The following LPCAT2 variants were observed in gnomAD, a reference collection of about 807,000 sequenced individuals.
LPCAT2 encodes the protein lysophosphatidylcholine acyltransferase 2, also known as 1-AGP acyltransferase 11.
LPCAT2 carries 58 observed loss-of-function variants against 64.7 expected under a neutral mutation model. That is an observed-to-expected ratio of 0.90 (90% CI 0.73 to 1.12). LPCAT2 has a LOEUF of 1.12. LPCAT2 is among the 50% of genes most tolerant of loss of function. The pLI is 0.00. For synonymous variants in LPCAT2, 252 were observed against 245.3 expected, an observed-to-expected ratio of 1.03 and a Z score of -0.26; for missense variants, 579 against 669.8, an observed-to-expected ratio of 0.86 and a Z score of 1.50.
intron 3 of LPCAT2, 84 bp from the exon 4 acceptor site, chr16:55,529,751 A>T: frequency 2.0e-6 from 1 of 504,422 alleles, no homozygotes; most frequent in Non-Finnish European, 3.4e-6. Flanking sequence ...AATTTTCCAT[A>T]CAATATGTTA....
intron 11 of LPCAT2, chr16:55,567,678 TCACGAAAAATG>T: frequency 1.6e-6 from 1 of 643,672 alleles, no homozygotes; most frequent in South Asian, 2.2e-5. Flanking sequence ...AACAGATATT[TCACGAAAAATG>T]TTCTGAGTGG....
At chr16:55,561,302 G>A (rs1451926652) in intron 11 of LPCAT2, among the ~76,000 whole-genome samples, 3 of 149,162 alleles carry the variant, frequency 2.0e-5, no homozygotes, top group Admixed American at 6.7e-5. Context: ...TACTTTTTAA[G>A]TCTAATAACT....
intron 9 of LPCAT2, among the ~76,000 whole-genome samples, chr16:55,546,981 T>C (rs1381236764): frequency 6.6e-6 from 1 of 152,108 alleles, no homozygotes; most frequent in Non-Finnish European, 1.5e-5. Context: ...ACCCCGTCTC[T>C]ATTAAAAATA....
At chr16:55,528,301 T>G (rs1283810641) in intron 2 of LPCAT2, 76 bp from the exon 3 acceptor site, 2 of 1,127,752 alleles carry the variant, frequency 1.8e-6, no homozygotes, top group East Asian at 2.5e-5. Flanking sequence ...TTGGTTTTCT[T>G]ATTGTATTAT....
intron 1 of LPCAT2, among the ~76,000 whole-genome samples, chr16:55,523,808 G>T (rs760218804): frequency 4.0e-5 from 6 of 151,874 alleles, no homozygotes; most frequent in African/African-American, 1.2e-4. Flanking sequence ...AACTTTTTGA[G>T]ATGATGTAAA....
rs1413935978 is a variant in LPCAT2, at chr16:55,586,300, TG to T, written c.*3203del. On this transcript the variant is annotated 3_prime_UTR_variant, in exon 14 of 14. Coordinates refer to ENST00000262134, the MANE Select transcript of LPCAT2 (RefSeq NM_017839.5). ...TCTCAACAAACTTCTCAAGCGTCTG[TG>T]TAACAAGCCACATGTTCTAACAAAT... The T allele has an allele frequency of 7.2e-5, 11 of 152,200 alleles. No homozygotes were observed. Among genetic ancestry groups the T allele is most frequent in the African/African-American group, 2.4e-4 (10 of 41,464 alleles). The allele number at this position is 152,200 out of a possible 1,614,324, so 9.4% of individuals were successfully genotyped here.
intron 7 of LPCAT2, among the ~76,000 whole-genome samples, chr16:55,536,774 A>G (rs1963329335): frequency 6.6e-6 from 1 of 152,210 alleles, no homozygotes; most frequent in African/African-American, 2.4e-5. Context: ...AATCCAGTAG[A>G]AGTCTTATCC....
intron 9 of LPCAT2, among the ~76,000 whole-genome samples, chr16:55,547,263 G>A (rs1457289055): frequency 2.6e-5 from 4 of 152,172 alleles, no homozygotes; most frequent in Admixed American, 6.5e-5. Flanking sequence ...ATTCAAAGGT[G>A]CGGAGGTAAT....
At chr16:55,548,011 G>A (rs1173565284) in intron 9 of LPCAT2, among the ~76,000 whole-genome samples, 5 of 152,190 alleles carry the variant, frequency 3.3e-5, no homozygotes, top group South Asian at 2.1e-4. Flanking sequence ...CGGGTGATCC[G>A]CCTGCCTTGT....
intron 11 of LPCAT2, among the ~76,000 whole-genome samples, chr16:55,558,280 C>T (rs1225688031): frequency 1.3e-5 from 2 of 152,216 alleles, no homozygotes; most frequent in Non-Finnish European, 2.9e-5. Flanking sequence ...CTGGCTAAAT[C>T]AGAAGTAATT....
intron 11 of LPCAT2, among the ~76,000 whole-genome samples, chr16:55,568,125 G>T (rs954044323): frequency 2.7e-5 from 4 of 146,512 alleles, no homozygotes; most frequent in Admixed American, 1.4e-4. Context: ...AAATTCTAAA[G>T]TTCTTTAATT....
At chr16:55,536,122 A>G (rs1359427174) in intron 7 of LPCAT2, among the ~76,000 whole-genome samples, 1 of 152,168 alleles carries the variant, frequency 6.6e-6, no homozygotes, top group Non-Finnish European at 1.5e-5. Context: ...CATCTACTTA[A>G]TATTATTAGC....
intron 1 of LPCAT2, among the ~76,000 whole-genome samples, chr16:55,514,754 G>T (rs1405961797): frequency 6.6e-6 from 1 of 152,160 alleles, no homozygotes; most frequent in Non-Finnish European, 1.5e-5. Flanking sequence ...CCAGACTTTA[G>T]TCTTACTATA....
chr16:55,532,106 C>A, intron 5 of LPCAT2, 132 bp downstream of exon 5: 1 of 633,586 alleles, frequency 1.6e-6, no homozygotes. Context: ...AACTTTTTAA[C>A]GTTGTGGATC....
At chr16:55,522,815 A>G (rs1596851224) in intron 1 of LPCAT2, among the ~76,000 whole-genome samples, 1 of 151,774 alleles carries the variant, frequency 6.6e-6, no homozygotes, top group South Asian at 2.1e-4. Flanking sequence ...GTCATTTAAG[A>G]TTGATCATAG....
chr16:55,577,261 C>T (rs986133148), intron 12 of LPCAT2, among the ~76,000 whole-genome samples: 2 of 152,136 alleles, frequency 1.3e-5, no homozygotes, highest in Non-Finnish European at 2.9e-5. Flanking sequence ...ATCCTCCTAC[C>T]CTTTAGGGAC....
At chr16:55,574,873 A>G in intron 12 of LPCAT2, 144 bp downstream of exon 12, 2 of 575,828 alleles carry the variant, frequency 3.5e-6, no homozygotes, top group Non-Finnish European at 3.0e-6. Context: ...TGATTAAGTC[A>G]GTTGCTACTA....
At position 55,583,083 on chromosome 16, in the gene LPCAT2, C is replaced by CA; in HGVS notation, c.1626dup (p.Asp543ArgfsTer2). 1 of 1,609,158 alleles carries CA rather than the reference C, an allele frequency of 6.2e-7. No homozygotes were observed. The highest frequency in any genetic ancestry group is 1.1e-5 in the South Asian group (1 of 90,280). ...AAAAGCATGAAGAGAGTACCTCAGA[C>CA]AAAAAAGATGACTGAAAGCAGTATT... is the stretch of plus-strand genomic sequence containing the variant. On this transcript the variant is annotated frameshift_variant, in exon 14 of 14. Transcript: ENST00000262134. LOFTEE classifies it high-confidence loss of function.
intron 1 of LPCAT2, among the ~76,000 whole-genome samples, chr16:55,512,330 T>C (rs1181354523): frequency 6.6e-6 from 1 of 152,140 alleles, no homozygotes; most frequent in Non-Finnish European, 1.5e-5. Context: ...CTAGTCAAAA[T>C]ATGAAAAACT....
Sources: allele counts gnomAD v4.1 joint callset (sites outside exome capture counted in the v4.1 genomes callset), GRCh38; gene constraint gnomAD v4.1.1; transcripts MANE v1.5; gene names NCBI Gene and HGNC (gene_info 2026-07-23, HGNC 2026-07-21).